The following ZNF148 variants were observed in gnomAD, a reference collection of about 807,000 sequenced individuals.
ZNF148 encodes Beta-Enolase Repressor Factor-1.
ZNF148 carries 7 observed loss-of-function variants against 67.7 expected under a neutral mutation model. The observed-to-expected ratio is 0.10, with a 90% CI of 0.06 to 0.19. ZNF148 has a LOEUF of 0.19. ZNF148 is among the 10% of genes least tolerant of loss of function. The probability of loss-of-function intolerance (pLI) is 1.00; values close to 1 mark genes in which losing one functional copy is unlikely to be tolerated. For missense variants in ZNF148, 583 were observed against 947.1 expected (o/e 0.62, Z 5.05); for synonymous variants, 333 against 330.7 (o/e 1.01, Z -0.08).
chr3:125,267,345 A>G (rs746927636), intron 7 of ZNF148, among the ~76,000 whole-genome samples: 8 of 152,204 alleles, frequency 5.3e-5, no homozygotes, highest in Non-Finnish European at 7.4e-5. Flanking sequence ...AACTGAATCT[A>G]GGAGCACACC....
At chr3:125,319,203 T>C (rs1292364111) in intron 3 of ZNF148, among the ~76,000 whole-genome samples, 8 of 152,224 alleles carry the variant, frequency 5.3e-5, no homozygotes, top group Admixed American at 5.2e-4. Flanking sequence ...GTGGTCACCT[T>C]CTAATTTAAT....
chr3:125,232,056 GTCTT>G lies in ZNF148; in HGVS notation c.*281_*284del. ...TCAGTTAGGAAACAATTGTGCGAAA[GTCTT>G]TTTTTTTTCCTTTTTAACTTGGTGT... On this transcript the variant is annotated 3_prime_UTR_variant, in exon 9 of 9. Transcript: ENST00000360647. This position sits in a 1 kb window ranked among gnomAD's most constrained non-coding sequence, Gnocchi z 4.2. 1 of 300,258 alleles carries G rather than the reference GTCTT, an allele frequency of 3.3e-6. No homozygotes were observed. Among genetic ancestry groups the G allele is most frequent in the Non-Finnish European group, 6.2e-6 (1 of 162,082 alleles). 18.6% of individuals were successfully genotyped at this position (300,258 alleles called of 1,614,324 possible).
intron 1 of ZNF148, among the ~76,000 whole-genome samples, chr3:125,358,697 T>G (rs1202165406): frequency 6.6e-6 from 1 of 152,212 alleles, no homozygotes; most frequent in Non-Finnish European, 1.5e-5. Flanking sequence ...CCCTTAAAAC[T>G]AATTATACAA....
intron 4 of ZNF148, among the ~76,000 whole-genome samples, chr3:125,290,401 C>A (rs776620224): frequency 6.6e-6 from 1 of 152,130 alleles, no homozygotes; most frequent in Non-Finnish European, 1.5e-5. Context: ...CCTCCCTATA[C>A]TGAAAATATT....
intron 2 of ZNF148, among the ~76,000 whole-genome samples, chr3:125,324,443 G>A (rs988335137): frequency 6.6e-6 from 1 of 152,122 alleles, no homozygotes; most frequent in African/African-American, 2.4e-5. Flanking sequence ...AAAAAAGATA[G>A]ATAAAATCAT....
intron 7 of ZNF148, among the ~76,000 whole-genome samples, chr3:125,250,944 A>G (rs899819531): frequency 2.6e-5 from 4 of 152,228 alleles, no homozygotes; most frequent in Non-Finnish European, 5.9e-5. Flanking sequence ...AGTAGAGAAC[A>G]CATAAAGATC....
chr3:125,369,353 ACTCTCCAG>A, intron 1 of ZNF148, among the ~76,000 whole-genome samples: 1 of 132,608 alleles, frequency 7.5e-6, no homozygotes. Context: ...CCACACTAAA[ACTCTCCAG>A]AAGACAAAGA....
At chr3:125,369,057 T>C (rs1487037002) in intron 1 of ZNF148, among the ~76,000 whole-genome samples, 1 of 150,416 alleles carries the variant, frequency 6.6e-6, no homozygotes, top group Non-Finnish European at 1.5e-5. Flanking sequence ...AGGCCAGGAG[T>C]TCGAGACCAG....
Position 125,229,141 on chromosome 3 carries a change from C to T in ZNF148, c.*3200G>A, listed in dbSNP as rs592559. 1 of 150,830 alleles carries T rather than the reference C, an allele frequency of 6.6e-6. No individual in the cohort carries two copies. The highest frequency in any genetic ancestry group is 2.4e-5 in the African/African-American group (1 of 41,048). The allele number at this position is 150,830 out of a possible 1,614,324, so 9.3% of individuals were successfully genotyped here. A position where few individuals can be genotyped will look rare whatever the true frequency, so the allele number is the denominator to read the frequency against. On this transcript the variant is annotated 3_prime_UTR_variant, in exon 9 of 9. Coordinates refer to ENST00000360647, the MANE Select transcript of ZNF148 (RefSeq NM_021964.3). ...ATATACTGTGAAAAAAAAATGAGTT[C>T]TAGTTTAAAATGTTCTAAGAAATGC...
At chr3:125,357,283 C>A in intron 1 of ZNF148, 1 of 153,554 alleles carries the variant, frequency 6.5e-6, no homozygotes, top group Non-Finnish European at 1.4e-5. Context: ...CCTCCTCCTC[C>A]TCCTCCCTGC....
chr3:125,279,719 T>C (rs916816819), intron 5 of ZNF148, among the ~76,000 whole-genome samples: 21 of 148,514 alleles, frequency 1.4e-4, no homozygotes, highest in Non-Finnish European at 3.0e-4. Context: ...TATATACTTA[T>C]ATGAAAAGCG....
intron 7 of ZNF148, among the ~76,000 whole-genome samples, chr3:125,266,281 T>C (rs905904436): frequency 2.6e-5 from 4 of 151,694 alleles, no homozygotes; most frequent in Non-Finnish European, 1.5e-5. Context: ...ATTTTTCTCA[T>C]TTGCACACAG....
Position 125,288,148 on chromosome 3 carries a change from T to C in ZNF148, c.414A>G (p.Val138=). Residue 138 remains valine (V), a synonymous_variant, in exon 5 of 9, where the codon GTA becomes GTG. Coordinates refer to ENST00000360647, the MANE Select transcript of ZNF148 (RefSeq NM_021964.3). ...MRDKKQIREP[V]DLQKKKKRKQ... ...TCCGCTTCTTCTTTTTCTGTAAGTC[T>C]ACTGGCTCTCTGATTTGTTTTTTGT... 6.2e-7 allele frequency: 1 copy of C among 1,613,960 alleles called. No homozygotes were observed. Among genetic ancestry groups the C allele is most frequent in the Non-Finnish European group, 8.5e-7 (1 of 1,179,904 alleles).
chr3:125,317,662 T>TAGAGAGAGAGAGAGAGAGAGAG lies in ZNF148; in HGVS notation c.-16-4007_-16-4006insCTCTCTCTCTCTCTCTCTCTCT, dbSNP rs1553708261. Among the ~76,000 whole-genome samples, 652 of 89,904 alleles carry TAGAGAGAGAGAGAGAGAGAGAG rather than the reference T, an allele frequency of 7.3e-3. 7 individuals carry two copies. Among genetic ancestry groups the TAGAGAGAGAGAGAGAGAGAGAG allele is most frequent in the Middle Eastern group, 0.016 (2 of 122 alleles). The allele number at this position is 89,904 out of a possible 152,430, so 59.0% of individuals were successfully genotyped here. On this transcript the variant is annotated intron_variant, in intron 3 of 8. Coordinates refer to ENST00000360647, the MANE Select transcript of ZNF148 (RefSeq NM_021964.3). ...GATCTTTTATATATATATATATATA[T>TAGAGAGAGAGAGAGAGAGAGAG]AGAGAGAGAGAGAGAGAAATACATA...
intron 2 of ZNF148, among the ~76,000 whole-genome samples, chr3:125,326,052 C>CA: frequency 6.6e-6 from 1 of 152,096 alleles, no homozygotes; most frequent in East Asian, 1.9e-4. Flanking sequence ...AAGAAGACAG[C>CA]AAAACTATCC....
At chr3:125,298,343 G>GCATA (rs1553820621) in intron 4 of ZNF148, among the ~76,000 whole-genome samples, 1 of 31,444 alleles carries the variant, frequency 3.2e-5, no homozygotes, top group Non-Finnish European at 6.0e-5. Context: ...TTATAAATGT[G>GCATA]CATACACACA....
intron 1 of ZNF148, among the ~76,000 whole-genome samples, chr3:125,368,538 C>T (rs1942769934): frequency 1.3e-5 from 2 of 152,216 alleles, no homozygotes; most frequent in African/African-American, 4.8e-5. Context: ...TTTTCATTCA[C>T]TCTATTTGAT....
chr3:125,249,887 T>A (rs901620775), intron 7 of ZNF148, among the ~76,000 whole-genome samples: 2 of 152,070 alleles, frequency 1.3e-5, no homozygotes, highest in Non-Finnish European at 2.9e-5. Context: ...TGTGGATGAA[T>A]CTGGAGGACA....
intron 7 of ZNF148, among the ~76,000 whole-genome samples, chr3:125,269,702 C>T (rs1351436649): frequency 2.6e-5 from 4 of 152,084 alleles, no homozygotes; most frequent in Non-Finnish European, 1.5e-5. Context: ...ACAAAATCAA[C>T]ACAGGTAACC....
Sources: gnomAD v4.1 joint callset for allele counts (sites outside exome capture counted in the v4.1 genomes callset) on GRCh38, gnomAD v4.1.1 for gene constraint, Gnocchi (gnomAD v3.1) non-coding constraint, MANE v1.5 for transcripts, NCBI Gene and HGNC (gene_info 2026-07-23, HGNC 2026-07-21) for gene names.